XPO4: variants seen among roughly 807,000 people sequenced by gnomAD.
XPO4 encodes the protein exportin 4, also known as exportin-4.
A neutral mutation model predicts 143.0 loss-of-function variants in XPO4; 39 were observed. The ratio of observed to expected loss-of-function variants is 0.27; its 90% confidence interval spans 0.21 to 0.36. The LOEUF is 0.36. XPO4 is among the 10% of genes least tolerant of loss of function. The pLI, the probability that XPO4 is intolerant of heterozygous loss-of-function variation, is 1.00. For missense variants in XPO4, 907 were observed against 1,348.0 expected (o/e 0.67, Z 5.12); for synonymous variants, 439 against 474.0 (o/e 0.93, Z 0.96).
chr13:20,849,664 G>C, intron 4 of XPO4: 1 of 984,610 alleles, frequency 1.0e-6, no homozygotes, highest in South Asian at 4.7e-5. Flanking sequence ...TAATCATACA[G>C]GCATAAATTA....
intron 1 of XPO4, among the ~76,000 whole-genome samples, chr13:20,900,415 C>T (rs927092095): frequency 9.2e-5 from 14 of 151,942 alleles, no homozygotes; most frequent in African/African-American, 3.1e-4. Flanking sequence ...ATAATACCTA[C>T]CTCACAGAGT....
intron 18 of XPO4, 138 bp from the exon 19 acceptor site, chr13:20,790,718 TCC>T: frequency 1.5e-6 from 1 of 682,002 alleles, no homozygotes; most frequent in Non-Finnish European, 2.5e-6. Context: ...TCTGACCTCG[TCC>T]TGCCTGGTCT....
chr13:20,895,538 AG>A (rs1566632347), intron 1 of XPO4, among the ~76,000 whole-genome samples: 1 of 152,072 alleles, frequency 6.6e-6, no homozygotes, highest in East Asian at 1.9e-4. Flanking sequence ...AGGCTGAGGA[AG>A]GAGAATCACT....
intron 4 of XPO4, among the ~76,000 whole-genome samples, chr13:20,845,378 A>G (rs1414115940): frequency 6.6e-6 from 1 of 152,232 alleles, no homozygotes; most frequent in Non-Finnish European, 1.5e-5. Flanking sequence ...CAACAATAAA[A>G]GTTCTCTGAA....
At chr13:20,891,461 AC>A (rs1411913108) in intron 1 of XPO4, among the ~76,000 whole-genome samples, 1 of 152,170 alleles carries the variant, frequency 6.6e-6, no homozygotes, top group Admixed American at 6.6e-5. Context: ...CACTTACTAT[AC>A]CCCAGGCACT....
chr13:20,809,176 T>C lies in XPO4; in HGVS notation c.1400A>G (p.Gln467Arg), dbSNP rs759682157. The C allele has an allele frequency of 1.9e-6, 3 of 1,614,172 alleles. No individual in the cohort carries two copies. Among genetic ancestry groups the C allele is most frequent in the Non-Finnish European group, 2.5e-6 (3 of 1,180,012 alleles). The change falls in exon 11 of 23, where the codon CAA becomes CGA. Residue 467 changes from glutamine to arginine, a missense_variant. Transcript: ENST00000255305. Reference sequence around the variant, plus strand: ...AGAAAACTGGTCTCGATCATCCTCTTGAAGTTCACTTATTTCTTCCTCCTC... The same window carrying C: ...AGAAAACTGGTCTCGATCATCCTCTCGAAGTTCACTTATTTCTTCCTCCTC... ...SREEEEISELQEDDRDQFSDQ... is the reference protein window; with the variant it reads ...SREEEEISELREDDRDQFSDQ...
intron 1 of XPO4, among the ~76,000 whole-genome samples, chr13:20,894,534 G>T (rs2060549200): frequency 1.3e-5 from 2 of 152,260 alleles, no homozygotes; most frequent in East Asian, 1.9e-4. Context: ...CAAGGAAGTA[G>T]ATTTTAAAAG....
In XPO4 at chr13:20,778,515, A is replaced by G. The variant is rs781218536; in HGVS notation, c.*5207T>C. ...CACTTTCCCTGAAAGGCCAAAAAGA[A>G]TGACTTGCTAAAAGTATTTACTAAA... On this transcript the variant is annotated 3_prime_UTR_variant, in exon 23 of 23. Transcript: ENST00000255305. The G allele has an allele frequency of 2.6e-5, 4 of 152,240 alleles. No homozygotes were observed. The highest frequency in any genetic ancestry group is 5.9e-5 in the Non-Finnish European group (4 of 68,040). The allele number at this position is 152,240 out of a possible 1,614,324, so 9.4% of individuals were successfully genotyped here.
At chr13:20,902,195 G>T (rs1435682487) in intron 1 of XPO4, 38 of 985,230 alleles carry the variant, frequency 3.9e-5, no homozygotes, top group Non-Finnish European at 4.6e-5. Context: ...GCATGTCAGG[G>T]AAGCGCTAGA....
At position 20,783,816 on chromosome 13, in the gene XPO4, G is replaced by A. The variant is rs568705120; in HGVS notation, c.3362C>T (p.Thr1121Ile). ...CTGCTTCCGATCCAGCGTAGGAGGA[G>A]TGCTGCTTGCAGTGAGCTTGTTGAA... Reference protein sequence around the residue: ...DAFNKLTASSTPPTLDRKQKM... With the variant: ...DAFNKLTASSIPPTLDRKQKM... Residue 1121 changes from threonine to isoleucine, a missense_variant, in exon 23 of 23, where the codon ACT becomes ATT. Physicochemically the swap from Thr to Ile is moderately conservative, Grantham distance 89. Transcript: ENST00000255305. 2 of 1,614,240 alleles carry A rather than the reference G, an allele frequency of 1.2e-6. No individual in the cohort carries two copies. Among genetic ancestry groups the A allele is most frequent in the Non-Finnish European group, 1.7e-6 (2 of 1,180,034 alleles).
intron 22 of XPO4, 43 bp downstream of exon 22, chr13:20,786,922 A>AATAGAATG: frequency 1.3e-6 from 2 of 1,494,550 alleles, no homozygotes; most frequent in Non-Finnish European, 1.8e-6. Flanking sequence ...CTCTTTGCAA[A>AATAGAATG]ATAGAATGAG....
chr13:20,846,497 A>C (rs1051915711), intron 4 of XPO4, among the ~76,000 whole-genome samples: 4 of 152,214 alleles, frequency 2.6e-5, no homozygotes, highest in African/African-American at 9.6e-5. Flanking sequence ...CAAAACAGCA[A>C]ACTTCCACAC....
chr13:20,788,049 G>GTTT (rs1276190178), intron 20 of XPO4, among the ~76,000 whole-genome samples: 2 of 130,902 alleles, frequency 1.5e-5, no homozygotes, highest in African/African-American at 6.4e-5. Flanking sequence ...ACAGTTTTTT[G>GTTT]TTTTTTTGTT....
At position 20,889,700 on chromosome 13, in the gene XPO4, TTACA is replaced by T. The variant is rs539968370; in HGVS notation, c.69+12966_69+12969del. 7.9e-4 allele frequency among the ~76,000 whole-genome samples: 120 copies of T among 152,310 alleles called. 1 individual carries two copies. Among genetic ancestry groups the T allele is most frequent in the African/African-American group, 2.9e-3 (119 of 41,572 alleles). The stretch of plus-strand genomic sequence containing the variant: ...CTCATTGACAGTCATTACACGAGAA[TTACA>T]TCATTACCCAATATTCTGTGACAAG... On this transcript the variant is annotated intron_variant, in intron 1 of 22. Transcript: ENST00000255305.
rs1426888641 is a variant in XPO4 at position 20,868,680 on chromosome 13, T to C, written c.91A>G (p.Asn31Asp). ...VLMAPPSMVN[N>D]EQRQHAEHIF... is the part of the protein sequence containing the mutation. ...TGCTCTGCATGCTGGCGTTGTTCAT[T>C]ATTGACCATGGAAGGTGGTGCCTTG... Residue 31 changes from asparagine (N) to aspartate (D), a missense_variant, in exon 2 of 23, where the codon AAT (asparagine) becomes GAT (aspartate). Transcript: ENST00000255305. 3 of 1,612,836 alleles carry C rather than the reference T, an allele frequency of 1.9e-6. No individual in the cohort carries two copies. In the African/African-American group the frequency reaches 4.0e-5, roughly 22 times the overall value.
In XPO4 at chr13:20,807,491, T is replaced by C. The variant is rs1227947437; in HGVS notation, c.1783A>G (p.Ile595Val). The C allele has an allele frequency of 1.9e-6, 3 of 1,613,792 alleles. No homozygotes were observed. Among genetic ancestry groups the C allele is most frequent in the South Asian group, 2.2e-5 (2 of 91,010 alleles). ...GAATCTGTTCTGTTGTACCCTGGGA[T>C]GGAAGAAGCCTTTTCTCCTGGAGAT... ...LGSPGEKASS[I>V]PGYNRTDSVI... Residue 595 changes from isoleucine to valine, a missense_variant, in exon 13 of 23, where the codon ATC becomes GTC. Transcript: ENST00000255305.
intron 13 of XPO4, among the ~76,000 whole-genome samples, chr13:20,804,156 AATATAT>A (rs1391207969): frequency 6.7e-6 from 1 of 149,920 alleles, no homozygotes; most frequent in African/African-American, 2.4e-5. Flanking sequence ...ATATACACAC[AATATAT>A]ATATACACAC....
intron 1 of XPO4, among the ~76,000 whole-genome samples, chr13:20,892,294 G>A (rs2060525925): frequency 6.6e-6 from 1 of 152,008 alleles, no homozygotes; most frequent in African/African-American, 2.4e-5. Context: ...CACCATGTTG[G>A]CCAGGTTGGT....
intron 6 of XPO4, among the ~76,000 whole-genome samples, chr13:20,828,374 G>A (rs1035964957): frequency 2.6e-4 from 40 of 152,132 alleles, no homozygotes; most frequent in Non-Finnish European, 7.3e-5. Flanking sequence ...CAGAGCTATC[G>A]TCTGAAAAAA....
Sources: allele counts gnomAD v4.1 joint callset (sites outside exome capture counted in the v4.1 genomes callset), GRCh38; gene constraint gnomAD v4.1.1; transcripts MANE v1.5; gene names NCBI Gene and HGNC (gene_info 2026-07-23, HGNC 2026-07-21).